RAD51B: variants seen among roughly 807,000 people sequenced by gnomAD.
RAD51B encodes DNA repair protein RAD51 homolog 2.
In RAD51B, 38 loss-of-function variants were observed where a neutral mutation model predicts 42.2. That is an observed-to-expected ratio of 0.90 (90% CI 0.70 to 1.18). The LOEUF is 1.18. Ranked by LOEUF, RAD51B falls within the 50% of genes most tolerant of loss-of-function variation. The pLI, the probability that RAD51B is intolerant of heterozygous loss-of-function variation, is 0.00. For missense variants in RAD51B, 373 were observed against 400.7 expected, an observed-to-expected ratio of 0.93 and a Z score of 0.59; for synonymous variants, 154 against 145.2, an observed-to-expected ratio of 1.06 and a Z score of -0.43.
At chr14:68,109,962 A>G (rs2077435232) in intron 7 of RAD51B, among the ~76,000 whole-genome samples, 1 of 152,026 alleles carries the variant, frequency 6.6e-6, no homozygotes, top group African/African-American at 2.4e-5. Context: ...AACTGAACAT[A>G]GAAAGATCAC....
intron 7 of RAD51B, among the ~76,000 whole-genome samples, chr14:68,271,442 T>C (rs1255503511): frequency 6.6e-6 from 1 of 152,174 alleles, no homozygotes. Context: ...ATTTAACCTC[T>C]CTGAGACTCA....
At chr14:68,294,807 G>A (rs971378295) in intron 8 of RAD51B, among the ~76,000 whole-genome samples, 4 of 152,122 alleles carry the variant, frequency 2.6e-5, no homozygotes, top group Non-Finnish European at 2.9e-5. Flanking sequence ...CTGATACTTC[G>A]GCATACCTGC....
At chr14:68,130,527 T>C (rs187351012) in intron 7 of RAD51B, among the ~76,000 whole-genome samples, 2 of 152,362 alleles carry the variant, frequency 1.3e-5, no homozygotes, top group Admixed American at 1.3e-4. Flanking sequence ...TTCTTCAAAA[T>C]TCTCATTGTA....
At chr14:67,862,493 G>A (rs1365189484) in intron 4 of RAD51B, among the ~76,000 whole-genome samples, 9 of 151,720 alleles carry the variant, frequency 5.9e-5, no homozygotes, top group African/African-American at 9.7e-5. Context: ...GTTTTGATTC[G>A]TCTGCAAGAA....
intron 4 of RAD51B, among the ~76,000 whole-genome samples, chr14:67,863,150 A>ATTT (rs5809367): frequency 3.2e-4 from 24 of 74,000 alleles, no homozygotes; most frequent in African/African-American, 8.8e-4. Flanking sequence ...AAATATGGGA[A>ATTT]TTTTTTTTTT....
At chr14:68,438,405 G>C (rs1206269398) in intron 9 of RAD51B, among the ~76,000 whole-genome samples, 1 of 152,136 alleles carries the variant, frequency 6.6e-6, no homozygotes, top group Non-Finnish European at 1.5e-5. Flanking sequence ...CACTGAAACA[G>C]GCTGGTAAAG....
chr14:67,884,308 A>G (rs946433268), intron 5 of RAD51B, among the ~76,000 whole-genome samples: 9 of 152,286 alleles, frequency 5.9e-5, no homozygotes, highest in South Asian at 2.1e-4. Context: ...TTCATTACTG[A>G]AGCCACTAGT....
At chr14:68,172,396 C>T (rs1368858428) in intron 7 of RAD51B, among the ~76,000 whole-genome samples, 4 of 152,178 alleles carry the variant, frequency 2.6e-5, no homozygotes, top group African/African-American at 7.2e-5. Context: ...TTAGCCAGGG[C>T]CCAATTCATA....
Position 68,453,302 on chromosome 14 carries a change from G to C in RAD51B, c.958-14870G>C, listed in dbSNP as rs543626856. 2.6e-5 allele frequency among the ~76,000 whole-genome samples: 4 copies of C among 152,208 alleles called. No individual in the cohort carries two copies. The East Asian group carries it at 5.8e-4, about 22-fold the overall frequency. Reference sequence around the variant, plus strand: ...ATGAATCTTTTTGAGATATCAACAGGCTTCAGCAAATAATAGAACACATGA... The same window carrying C: ...ATGAATCTTTTTGAGATATCAACAGCCTTCAGCAAATAATAGAACACATGA... On this transcript the variant is annotated intron_variant, in intron 9 of 10. Transcript: ENST00000471583.
At chr14:68,021,468 C>T (rs1332181861) in intron 7 of RAD51B, among the ~76,000 whole-genome samples, 3 of 152,228 alleles carry the variant, frequency 2.0e-5, no homozygotes, top group African/African-American at 7.2e-5. Context: ...CATTGTCCTT[C>T]TAAGTCTTCC....
chr14:68,555,651 A>G (rs1212657182), intron 10 of RAD51B, among the ~76,000 whole-genome samples: 2 of 152,150 alleles, frequency 1.3e-5, no homozygotes, highest in Non-Finnish European at 2.9e-5. Context: ...CCTTCTCTTC[A>G]GCCGGGGCAC....
intron 10 of RAD51B, among the ~76,000 whole-genome samples, chr14:68,532,834 CAT>C (rs371495961): frequency 1.4e-3 from 211 of 152,216 alleles, no homozygotes; most frequent in African/African-American, 4.7e-3. Context: ...ACAGAGATGA[CAT>C]GTCTTAATAT....
intron 7 of RAD51B, among the ~76,000 whole-genome samples, chr14:68,185,857 A>T (rs2079147470): frequency 6.6e-6 from 1 of 152,190 alleles, no homozygotes; most frequent in South Asian, 2.1e-4. Flanking sequence ...TGTGTGGCCC[A>T]GTTCCTAACA....
At chr14:68,368,671 C>T (rs144112133) in intron 8 of RAD51B, among the ~76,000 whole-genome samples, 16 of 152,264 alleles carry the variant, frequency 1.1e-4, no homozygotes, top group African/African-American at 2.6e-4. Flanking sequence ...TCCCTGCTAC[C>T]GAGGCTGCTG....
intron 7 of RAD51B, among the ~76,000 whole-genome samples, chr14:68,007,506 C>T (rs530867945): frequency 4.9e-4 from 75 of 152,038 alleles, no homozygotes; most frequent in African/African-American, 7.7e-4. Context: ...CTTTTATCAA[C>T]GCTTTTTATT....
At chr14:68,126,021 T>C in intron 7 of RAD51B, among the ~76,000 whole-genome samples, 1 of 152,224 alleles carries the variant, frequency 6.6e-6, no homozygotes, top group East Asian at 1.9e-4. Flanking sequence ...AACACTTATG[T>C]TAGATGGGCA....
At chr14:68,318,635 C>T (rs2082104708) in intron 8 of RAD51B, among the ~76,000 whole-genome samples, 2 of 152,142 alleles carry the variant, frequency 1.3e-5, no homozygotes, top group African/African-American at 4.8e-5. Context: ...ACCGTGTGGC[C>T]TTGTTCATGA....
chr14:67,822,721 C>T (rs2040674156), intron 1 of RAD51B, among the ~76,000 whole-genome samples: 4 of 151,432 alleles, frequency 2.6e-5, no homozygotes, highest in Admixed American at 1.3e-4. Context: ...AGACCTGTCT[C>T]GCTCTCTCTC....
rs118003930 is a variant in RAD51B at position 68,344,123 on chromosome 14, C to T, written c.853+52143C>T. Among the ~76,000 whole-genome samples, 419 of 152,342 alleles carry T rather than the reference C, an allele frequency of 2.8e-3. 11 individuals are homozygous for T. In the East Asian group the frequency reaches 0.046, roughly 17 times the overall value. ...CCCACATAGAGTCCTCACCAGGGCACTGCCTTGTGGAGTGATGGGAAGAGG... is the reference window on the plus strand; with the variant it reads ...CCCACATAGAGTCCTCACCAGGGCATTGCCTTGTGGAGTGATGGGAAGAGG... On this transcript the variant is annotated intron_variant, in intron 8 of 10. Coordinates refer to ENST00000471583, the MANE Select transcript of RAD51B (RefSeq NM_133510.4).
Sources: allele counts gnomAD v4.1 joint callset (sites outside exome capture counted in the v4.1 genomes callset), GRCh38; gene constraint gnomAD v4.1.1; transcripts MANE v1.5; gene names NCBI Gene and HGNC (gene_info 2026-07-23, HGNC 2026-07-21).